NFIB: variants seen among roughly 807,000 people sequenced by gnomAD.
NFIB encodes nuclear factor 1 B-type.
NFIB carries 11 observed loss-of-function variants against 61.5 expected under a neutral mutation model. The observed-to-expected ratio is 0.18, with a 90% CI of 0.11 to 0.30. The LOEUF is 0.30. Among genes scored for constraint, NFIB ranks in the 10% least tolerant of loss-of-function variants. The pLI, the probability that NFIB is intolerant of heterozygous loss-of-function variation, is 1.00. For missense variants in NFIB, 471 were observed against 608.9 expected (o/e 0.77, Z 2.38); for synonymous variants, 260 against 216.5 (o/e 1.20, Z -1.76).
intron 10 of NFIB, among the ~76,000 whole-genome samples, chr9:14,106,261 A>T (rs1428783458): frequency 6.6e-6 from 1 of 152,174 alleles, no homozygotes; most frequent in Non-Finnish European, 1.5e-5. Context: ...AAAAGAACTG[A>T]TCATATGCAT....
chr9:14,150,355 G>C, intron 4 of NFIB, 90 bp from the exon 5 acceptor site: 2 of 1,578,056 alleles, frequency 1.3e-6, no homozygotes, highest in East Asian at 2.2e-5. Context: ...TCATGCCTCT[G>C]GTCAAAGATA....
intron 2 of NFIB, among the ~76,000 whole-genome samples, chr9:14,199,329 G>T (rs951462248): frequency 1.3e-5 from 2 of 152,194 alleles, no homozygotes; most frequent in African/African-American, 4.8e-5. Flanking sequence ...GTGCGGCAGG[G>T]TGAACCACCT....
chr9:14,108,472 G>C (rs1355485219), intron 10 of NFIB, among the ~76,000 whole-genome samples: 1 of 152,068 alleles, frequency 6.6e-6, no homozygotes, highest in Non-Finnish European at 1.5e-5. Context: ...TCAGTGTAAT[G>C]AGAAGTACTT....
intron 1 of NFIB, among the ~76,000 whole-genome samples, chr9:14,370,661 A>G (rs1037246948): frequency 1.3e-5 from 2 of 152,234 alleles, no homozygotes; most frequent in African/African-American, 4.8e-5. Flanking sequence ...CGACACTGGA[A>G]CTCCATAAAA....
the NFIB span, among the ~76,000 whole-genome samples, chr9:14,526,556 C>T: frequency 4.5e-4 from 68 of 152,274 alleles, no homozygotes; most frequent in African/African-American, 1.5e-3. Flanking sequence ...CACATTGAGA[C>T]GCAACAGGGG....
intron 3 of NFIB, among the ~76,000 whole-genome samples, chr9:14,156,980 C>T (rs905006637): frequency 6.6e-6 from 1 of 151,960 alleles, no homozygotes; most frequent in Non-Finnish European, 1.5e-5. Context: ...ACATGGAGCA[C>T]TGAAATCAAA....
intron 2 of NFIB, among the ~76,000 whole-genome samples, chr9:14,259,478 C>G (rs2056539681): frequency 6.6e-6 from 1 of 152,180 alleles, no homozygotes; most frequent in South Asian, 2.1e-4. Context: ...GCAAAAGATC[C>G]TATGGCTGAG....
At chr9:14,181,663 G>C (rs1463249748) in intron 2 of NFIB, among the ~76,000 whole-genome samples, 1 of 152,200 alleles carries the variant, frequency 6.6e-6, no homozygotes. Context: ...ATGTCTCTCA[G>C]CATTGATATT....
chr9:14,182,068 C>A lies in NFIB; in HGVS notation c.563-2288G>T, dbSNP rs185673078. On this transcript the variant is annotated intron_variant, in intron 2 of 10. Transcript: ENST00000380953. The stretch of plus-strand genomic sequence containing the variant: ...TATCCAGCTAGAACAATGGCATCCC[C>A]TGTTACCACAACATCCCACTTGGGA... Among the ~76,000 whole-genome samples, 323 of 152,328 alleles carry A rather than the reference C, an allele frequency of 2.1e-3. 3 individuals carry two copies. The highest frequency in any genetic ancestry group is 7.4e-3 in the African/African-American group (308 of 41,576).
At chr9:14,216,409 T>C (rs2050863749) in intron 2 of NFIB, among the ~76,000 whole-genome samples, 1 of 152,066 alleles carries the variant, frequency 6.6e-6, no homozygotes, top group Non-Finnish European at 1.5e-5. Flanking sequence ...AGGTCTGGTT[T>C]GAGAAAGGCC....
At chr9:14,100,669 G>A (rs2035639756) in intron 10 of NFIB, among the ~76,000 whole-genome samples, 2 of 152,220 alleles carry the variant, frequency 1.3e-5, no homozygotes, top group Non-Finnish European at 2.9e-5. Context: ...AGCCGAGATT[G>A]CGCCACTGCA....
chr9:14,371,727 A>T (rs1165438696), intron 1 of NFIB, among the ~76,000 whole-genome samples: 1 of 152,108 alleles, frequency 6.6e-6, no homozygotes, highest in Non-Finnish European at 1.5e-5. Flanking sequence ...TTCATTTGGT[A>T]GTAGCTACCC....
chr9:14,300,744 G>T (rs377671330), intron 2 of NFIB, among the ~76,000 whole-genome samples: 1 of 152,140 alleles, frequency 6.6e-6, no homozygotes, highest in South Asian at 2.1e-4. Flanking sequence ...ATAACCTTCC[G>T]TTGGGTCCCT....
At chr9:14,100,860 CATTTACAAA>C in intron 10 of NFIB, among the ~76,000 whole-genome samples, 1 of 152,308 alleles carries the variant, frequency 6.6e-6, no homozygotes, top group South Asian at 2.1e-4. Flanking sequence ...GCTATAGGTG[CATTTACAAA>C]CATGAGTACA....
At chr9:14,367,464 T>G (rs959776497) in intron 1 of NFIB, among the ~76,000 whole-genome samples, 4 of 151,862 alleles carry the variant, frequency 2.6e-5, no homozygotes, top group Non-Finnish European at 5.9e-5. Context: ...GAAGGGCACA[T>G]CTGAGATCTA....
At chr9:14,246,567 G>C (rs2054952997) in intron 2 of NFIB, among the ~76,000 whole-genome samples, 1 of 152,174 alleles carries the variant, frequency 6.6e-6, no homozygotes, top group African/African-American at 2.4e-5. Context: ...TGGATTTGTA[G>C]AGTGAATGCC....
intron 2 of NFIB, among the ~76,000 whole-genome samples, chr9:14,216,925 T>C (rs2050992658): frequency 6.6e-6 from 1 of 152,220 alleles, no homozygotes; most frequent in Non-Finnish European, 1.5e-5. Flanking sequence ...CTGAAAACTT[T>C]AAAAGCTAGA....
chr9:14,452,435 G>GGGGAAGGAAA, the NFIB span, among the ~76,000 whole-genome samples: 23 of 74,808 alleles, frequency 3.1e-4, 1 homozygote, highest in East Asian at 6.7e-3. Context: ...GAGGGAGGGA[G>GGGGAAGGAAA]GGGAAGGAAA....
the NFIB span, among the ~76,000 whole-genome samples, chr9:14,507,956 AC>A: frequency 7.1e-6 from 1 of 141,314 alleles, no homozygotes; most frequent in Non-Finnish European, 1.5e-5. Flanking sequence ...ACAGACACAG[AC>A]ACAGACACAC....
Sources: gnomAD v4.1 joint callset for allele counts (sites outside exome capture counted in the v4.1 genomes callset) on GRCh38, gnomAD v4.1.1 for gene constraint, MANE v1.5 for transcripts, NCBI Gene and HGNC (gene_info 2026-07-23, HGNC 2026-07-21) for gene names.